RIMKLA: variants seen among roughly 807,000 people sequenced by gnomAD.
RIMKLA encodes the protein ribosomal modification protein rimK like family member A.
A neutral mutation model predicts 32.7 loss-of-function variants in RIMKLA; 14 were observed. The ratio of observed to expected loss-of-function variants is 0.43; its 90% confidence interval spans 0.28 to 0.67. RIMKLA has a LOEUF of 0.67. Ranked by LOEUF, RIMKLA falls within the 30% of genes least tolerant of loss-of-function variation. The pLI is 0.18. For synonymous variants in RIMKLA, 176 were observed against 204.1 expected (o/e 0.86, Z 1.18); for missense variants, 410 against 519.0 (o/e 0.79, Z 2.04).
intron 1 of RIMKLA, among the ~76,000 whole-genome samples, chr1:42,390,339 A>G (rs1487829699): frequency 6.6e-6 from 1 of 152,186 alleles, no homozygotes; most frequent in Non-Finnish European, 1.5e-5. Context: ...TGCCCAGCTG[A>G]GAGGCTTTTC....
At chr1:42,398,755 T>C (rs976092684) in intron 1 of RIMKLA, among the ~76,000 whole-genome samples, 17 of 152,036 alleles carry the variant, frequency 1.1e-4, no homozygotes, top group African/African-American at 1.7e-4. Context: ...CTGCTTGAGC[T>C]CAGGAGTGTG....
chr1:42,414,908 C>G lies in RIMKLA; in HGVS notation c.1110C>G (p.Pro370=). The G allele has an allele frequency of 6.2e-7, 1 of 1,614,150 alleles. No homozygotes were observed. Among genetic ancestry groups the G allele is most frequent in the Non-Finnish European group, 8.5e-7 (1 of 1,180,006 alleles). ...CAGCAAGCACAATGGGGGCCCCACC[C>G]TCCATGCTGCCCGAACCTGGCTACA... is the stretch of plus-strand genomic sequence containing the variant. ...DSSASTMGAP[P]SMLPEPGYNI... The change falls in exon 5 of 5, where the codon CCC becomes CCG. Residue 370 remains proline (P), a synonymous_variant. Transcript: ENST00000431473.
Position 42,419,880 on chromosome 1 carries a change from C to T in RIMKLA, c.*4906C>T, listed in dbSNP as rs759489705. On this transcript the variant is annotated 3_prime_UTR_variant, in exon 5 of 5. Coordinates refer to ENST00000431473, the MANE Select transcript of RIMKLA (RefSeq NM_173642.4). ...ATTTGGCTCCAATTCGGCTGATGTT[C>T]CCTCACTGCAGAATGTCCTGGAAAC... 6.6e-5 allele frequency: 10 copies of T among 152,234 alleles called. No homozygotes were observed. The highest frequency in any genetic ancestry group is 1.3e-4 in the Non-Finnish European group (9 of 68,050). 9.4% of individuals were successfully genotyped at this position (152,234 alleles called of 1,614,324 possible). A position where few individuals can be genotyped will look rare whatever the true frequency, so the allele number is the denominator to read the frequency against.
In RIMKLA at chr1:42,420,979, A is replaced by G. The variant is rs1204425682; in HGVS notation, c.*6005A>G. On this transcript the variant is annotated 3_prime_UTR_variant, in exon 5 of 5. Coordinates refer to ENST00000431473, the MANE Select transcript of RIMKLA (RefSeq NM_173642.4). ...TTCCCCCACTGTGAGCAACACAAGC[A>G]TCGCCTTCTTGTGATCATGGCTCAG... 6.6e-6 allele frequency: 1 copy of G among 152,284 alleles called. No individual in the cohort carries two copies. The highest frequency in any genetic ancestry group is 1.5e-5 in the Non-Finnish European group (1 of 68,062). The allele number at this position is 152,284 out of a possible 1,614,324, so 9.4% of individuals were successfully genotyped here.
At chr1:42,399,698 T>TTGTTG (rs1186953585) in intron 2 of RIMKLA, 64 bp downstream of exon 2, 14 of 995,866 alleles carry the variant, frequency 1.4e-5, no homozygotes, top group Non-Finnish European at 2.1e-5. Context: ...TTAGAAACCT[T>TTGTTG]CTAGTATCTT....
chr1:42,383,346 T>C (rs1642908000), intron 1 of RIMKLA, among the ~76,000 whole-genome samples: 1 of 152,254 alleles, frequency 6.6e-6, no homozygotes, highest in Non-Finnish European at 1.5e-5. Flanking sequence ...CCAATTCTGC[T>C]GTCCAAAGAT....
chr1:42,399,703 T>TCTTTGTTG (rs1168351028), intron 2 of RIMKLA, 69 bp downstream of exon 2: 13 of 956,600 alleles, frequency 1.4e-5, no homozygotes, highest in Non-Finnish European at 2.1e-5. Flanking sequence ...AACCTTCTAG[T>TCTTTGTTG]ATCTTTGTTG....
At chr1:42,400,703 T>G (rs948130710) in intron 2 of RIMKLA, among the ~76,000 whole-genome samples, 4 of 152,062 alleles carry the variant, frequency 2.6e-5, no homozygotes, top group Admixed American at 2.0e-4. Context: ...TGATTTCAGT[T>G]TGGGACATGA....
Position 42,389,877 on chromosome 1 carries a change from G to A in RIMKLA, c.163+8780G>A, listed in dbSNP as rs569415027. 4.9e-4 allele frequency among the ~76,000 whole-genome samples: 75 copies of A among 152,194 alleles called. 2 individuals are homozygous for A. The South Asian group carries it at 0.013, about 27-fold the overall frequency. On this transcript the variant is annotated intron_variant, in intron 1 of 4. Coordinates refer to ENST00000431473, the MANE Select transcript of RIMKLA (RefSeq NM_173642.4). Reference sequence around the variant, plus strand: ...AATTATAATTGATTTAGCAATGTGCGTGTAGCATTAGCAACCCCAATAAGA... The same window carrying A: ...AATTATAATTGATTTAGCAATGTGCATGTAGCATTAGCAACCCCAATAAGA...
At chr1:42,404,125 A>T (rs1643124216) in intron 2 of RIMKLA, among the ~76,000 whole-genome samples, 1 of 152,186 alleles carries the variant, frequency 6.6e-6, no homozygotes, top group Non-Finnish European at 1.5e-5. Flanking sequence ...AATCACAGGA[A>T]TGATATCCCA....
intron 3 of RIMKLA, among the ~76,000 whole-genome samples, chr1:42,409,624 A>C (rs1262687212): frequency 6.6e-6 from 1 of 152,206 alleles, no homozygotes; most frequent in Non-Finnish European, 1.5e-5. Context: ...TTAGATGTGG[A>C]TCCTGCCTAA....
chr1:42,410,134 G>C lies in RIMKLA; in HGVS notation c.632G>C (p.Gly211Ala). The C allele has an allele frequency of 6.2e-7, 1 of 1,614,178 alleles. No homozygotes were observed. The part of the protein sequence containing the change: ...RVVVVGGQVI[G>A]SMLRCSTDGR... ...GTGGTGGTAGGGGGCCAGGTCATAG[G>C]CTCTATGCTTCGCTGCTCCACTGAT... The change falls in exon 4 of 5, where the codon GGC (glycine) becomes GCC (alanine). Residue 211 changes from glycine to alanine, a missense_variant. Transcript: ENST00000431473.
chr1:42,381,037 G>A lies in RIMKLA; in HGVS notation c.103G>A (p.Val35Met), dbSNP rs1468038701. 7.4e-6 allele frequency: 10 copies of A among 1,352,024 alleles called. No homozygotes were observed. The highest frequency in any genetic ancestry group is 5.7e-6 in the Non-Finnish European group (6 of 1,050,992). The allele number at this position is 1,352,024 out of a possible 1,614,324, so 83.8% of individuals were successfully genotyped here. The change falls in exon 1 of 5, where the codon GTG (valine) becomes ATG (methionine). Residue 35 changes from valine to methionine, a missense_variant. By Grantham distance (21) the Val-to-Met change is conservative. Transcript: ENST00000431473. ...CCGGCAGCGCTGCTCCGAGCAGGAC[G>A]TGCGCTTCCGGGCGGTGCTTATGGA... ...ALRQRCSEQDVRFRAVLMDQI... is the reference protein window; with the variant it reads ...ALRQRCSEQDMRFRAVLMDQI...
At position 42,399,581 on chromosome 1, in the gene RIMKLA, C is replaced by T. The variant is rs763096971; in HGVS notation, c.341C>T (p.Thr114Met). The T allele has an allele frequency of 8.1e-6, 13 of 1,612,904 alleles. No individual in the cohort carries two copies. Among genetic ancestry groups the T allele is most frequent in the African/African-American group, 4.0e-5 (3 of 74,910 alleles). The change falls in exon 2 of 5, where the codon ACG (threonine) becomes ATG (methionine). Residue 114 changes from threonine (T) to methionine (M), a missense_variant. Transcript: ENST00000431473. The part of the protein sequence containing the change: ...SILNCINKFW[T>M]FQELAGHGVP... Reference sequence around the variant, plus strand: ...TTAAATTGCATCAACAAATTCTGGACGTTCCAAGAACTGGCTGGACATGGG... The same window carrying T: ...TTAAATTGCATCAACAAATTCTGGATGTTCCAAGAACTGGCTGGACATGGG...
intron 1 of RIMKLA, among the ~76,000 whole-genome samples, chr1:42,390,899 G>A (rs910636593): frequency 5.9e-5 from 9 of 152,144 alleles, no homozygotes; most frequent in Admixed American, 6.6e-5. Flanking sequence ...GTGGGTGCAA[G>A]GATTTGAGGG....
At chr1:42,414,376 A>G in intron 4 of RIMKLA, 108 bp from the exon 5 acceptor site, 2 of 1,162,642 alleles carry the variant, frequency 1.7e-6, no homozygotes, top group Non-Finnish European at 2.4e-6. Flanking sequence ...TTTGTGATTA[A>G]TGATCGAGCC....
chr1:42,391,918 G>C (rs1214424537), intron 1 of RIMKLA, among the ~76,000 whole-genome samples: 1 of 152,122 alleles, frequency 6.6e-6, no homozygotes, highest in Non-Finnish European at 1.5e-5. Context: ...AGCTAAATGA[G>C]AGCAGCTAAA....
At position 42,403,200 on chromosome 1, in the gene RIMKLA, G is replaced by A. The variant is rs1466673461; in HGVS notation, c.395-1311G>A. On this transcript the variant is annotated intron_variant, in intron 2 of 4. Coordinates refer to ENST00000431473, the MANE Select transcript of RIMKLA (RefSeq NM_173642.4). Reference sequence around the variant, plus strand: ...ACTTATCTGGAACTTAGTTTCCCCTGTGCTAGAAAAATCTCACAAGTTGCA... The same window carrying A: ...ACTTATCTGGAACTTAGTTTCCCCTATGCTAGAAAAATCTCACAAGTTGCA... 4.9e-5 allele frequency among the ~76,000 whole-genome samples: 3 copies of A among 60,784 alleles called. No individual in the cohort carries two copies. The Admixed American group carries it at 5.1e-4, about 10-fold the overall frequency. The allele number at this position is 60,784 out of a possible 152,430, so 39.9% of individuals were successfully genotyped here. A position where few individuals can be genotyped will look rare whatever the true frequency, so the allele number is the denominator to read the frequency against.
At position 42,416,691 on chromosome 1, in the gene RIMKLA, G is replaced by A. The variant is rs1454742534; in HGVS notation, c.*1717G>A. On this transcript the variant is annotated 3_prime_UTR_variant, in exon 5 of 5. Coordinates refer to ENST00000431473, the MANE Select transcript of RIMKLA (RefSeq NM_173642.4). ...AGGCAACACTACCCATTCGGGTGCA[G>A]AAATTACCGTACTTACTCTGCCATA... 6.6e-6 allele frequency: 1 copy of A among 152,234 alleles called. No individual in the cohort carries two copies. Among genetic ancestry groups the A allele is most frequent in the East Asian group, 1.9e-4 (1 of 5,202 alleles). 9.4% of individuals were successfully genotyped at this position (152,234 alleles called of 1,614,324 possible). A position where few individuals can be genotyped will look rare whatever the true frequency, so the allele number is the denominator to read the frequency against.
Sources: allele counts gnomAD v4.1 joint callset (sites outside exome capture counted in the v4.1 genomes callset), GRCh38; gene constraint gnomAD v4.1.1; transcripts MANE v1.5; gene names NCBI Gene and HGNC (gene_info 2026-07-23, HGNC 2026-07-21).